Variants in MMS22L observed in about 807,000 individuals in gnomAD.
The protein encoded by MMS22L is protein MMS22-like.
A neutral mutation model predicts 159.1 loss-of-function variants in MMS22L; 74 were observed. The ratio of observed to expected loss-of-function variants is 0.47; its 90% CI spans 0.39 to 0.56. The LOEUF is 0.56. Ranked by LOEUF, MMS22L falls within the 20% of genes least tolerant of loss-of-function variation. The pLI is 0.00. For missense variants in MMS22L, 1,351 were observed against 1,422.1 expected (o/e 0.95, Z 0.80); for synonymous variants, 517 against 506.9 (o/e 1.02, Z -0.27).
chr6:97,248,603 T>C (rs1359855341), intron 10 of MMS22L, among the ~76,000 whole-genome samples: 1 of 152,176 alleles, frequency 6.6e-6, no homozygotes, highest in Non-Finnish European at 1.5e-5. Flanking sequence ...CTCACTCCTG[T>C]AATCCCAGCA....
intron 2 of MMS22L, 69 bp from the exon 3 acceptor site, chr6:97,281,431 T>C (rs968793677): frequency 6.1e-6 from 8 of 1,309,938 alleles, no homozygotes. Context: ...CTCTTTTCTT[T>C]ACATTATTTG....
chr6:97,254,893 A>G (rs553192135), intron 9 of MMS22L, among the ~76,000 whole-genome samples, 160 bp from the exon 10 acceptor site: 6 of 152,326 alleles, frequency 3.9e-5, no homozygotes, highest in Admixed American at 2.6e-4. Context: ...CAGAACATAA[A>G]TAGTACTTTA....
intron 11 of MMS22L, among the ~76,000 whole-genome samples, chr6:97,245,257 A>G (rs528048290): frequency 6.6e-6 from 1 of 152,160 alleles, no homozygotes; most frequent in Non-Finnish European, 1.5e-5. Flanking sequence ...ATTAAATACA[A>G]CAGAAACATG....
chr6:97,202,192 T>C (rs547577317), intron 14 of MMS22L, among the ~76,000 whole-genome samples: 79 of 152,282 alleles, frequency 5.2e-4, no homozygotes, highest in Admixed American at 1.6e-3. Flanking sequence ...AGGACATAAA[T>C]AGAGCTCACC....
intron 16 of MMS22L, 108 bp downstream of exon 16, chr6:97,181,796 G>A: frequency 9.0e-7 from 1 of 1,110,124 alleles, no homozygotes. Flanking sequence ...CAAAGTGAGA[G>A]TATATGTAGT....
intron 10 of MMS22L, among the ~76,000 whole-genome samples, chr6:97,247,774 A>C (rs2128043356): frequency 6.6e-6 from 1 of 152,270 alleles, no homozygotes; most frequent in South Asian, 2.1e-4. Context: ...TGAGGCCTTA[A>C]AAAGTAAAAG....
intron 14 of MMS22L, among the ~76,000 whole-genome samples, chr6:97,205,012 C>T (rs770336914): frequency 7.4e-6 from 1 of 135,040 alleles, no homozygotes; most frequent in Non-Finnish European, 1.6e-5. Context: ...GGCGCGATCA[C>T]AGCTCACTGC....
chr6:97,181,578 G>A (rs1481143865), intron 16 of MMS22L, among the ~76,000 whole-genome samples: 1 of 152,142 alleles, frequency 6.6e-6, no homozygotes, highest in African/African-American at 2.4e-5. Flanking sequence ...GTATCTTACA[G>A]ATTCAGTAAT....
At chr6:97,167,631 T>C (rs1803098584) in intron 20 of MMS22L, among the ~76,000 whole-genome samples, 1 of 152,106 alleles carries the variant, frequency 6.6e-6, no homozygotes, top group Non-Finnish European at 1.5e-5. Flanking sequence ...GCTCCTCCCA[T>C]ATGACTCTCC....
At chr6:97,171,366 T>G (rs1404884565) in intron 19 of MMS22L, among the ~76,000 whole-genome samples, 2 of 152,168 alleles carry the variant, frequency 1.3e-5, no homozygotes, top group Admixed American at 6.6e-5. Flanking sequence ...TCAAGTCTAC[T>G]TGGCAATGTG....
At position 97,144,105 on chromosome 6, in the gene MMS22L, CAAAAAAA is replaced by C. The variant is rs34856577; in HGVS notation, c.*2694_*2700del. On this transcript the variant is annotated 3_prime_UTR_variant, in exon 25 of 25. Transcript: ENST00000683635. ...CTCAAAACAACAACAACAACAACAA[CAAAAAAA>C]AAAAAAAAAAAAAAAAGAGAGAGAA... 1,359 of 87,346 alleles carry C rather than the reference CAAAAAAA, an allele frequency of 0.016. 23 individuals are homozygous for C. Among genetic ancestry groups the C allele is most frequent in the African/African-American group, 0.055 (1,210 of 21,980 alleles). The allele number at this position is 87,346 out of a possible 1,614,324, so 5.4% of individuals were successfully genotyped here.
intron 4 of MMS22L, among the ~76,000 whole-genome samples, chr6:97,273,921 A>G (rs554121938): frequency 6.6e-6 from 1 of 152,328 alleles, no homozygotes; most frequent in East Asian, 1.9e-4. Flanking sequence ...TCCCAAGTCA[A>G]AACTCTTGAA....
chr6:97,262,988 ATCT>A (rs1814660531), intron 9 of MMS22L, among the ~76,000 whole-genome samples: 1 of 152,132 alleles, frequency 6.6e-6, no homozygotes, highest in Non-Finnish European at 1.5e-5. Flanking sequence ...TTCTCCACAA[ATCT>A]TCTAAATCTG....
chr6:97,253,532 C>T (rs1380978093), intron 10 of MMS22L: 1 of 145,030 alleles, frequency 6.9e-6, no homozygotes, highest in East Asian at 2.0e-4. Flanking sequence ...GTGATCTCGG[C>T]TCACCGCAAA....
chr6:97,151,152 T>C (rs1043666629), intron 23 of MMS22L, among the ~76,000 whole-genome samples: 39 of 152,162 alleles, frequency 2.6e-4, no homozygotes, highest in Admixed American at 1.2e-3. Context: ...TTTCCCACTT[T>C]ACTCTCTCAA....
intron 9 of MMS22L, among the ~76,000 whole-genome samples, chr6:97,262,815 G>A (rs1172940280): frequency 1.3e-5 from 2 of 151,982 alleles, no homozygotes; most frequent in African/African-American, 2.4e-5. Context: ...TTCTGCCTAG[G>A]ATACTTCTCT....
intron 22 of MMS22L, among the ~76,000 whole-genome samples, chr6:97,155,757 T>C (rs565526414): frequency 2.0e-5 from 3 of 152,034 alleles, no homozygotes; most frequent in Non-Finnish European, 4.4e-5. Context: ...GACTTCACAA[T>C]AGACTTCGCT....
intron 8 of MMS22L, chr6:97,266,800 T>C (rs1393954474): frequency 1.3e-5 from 2 of 152,086 alleles, no homozygotes; most frequent in East Asian, 1.9e-4. Context: ...GCTGAACTCA[T>C]AGAAGCAGAG....
At chr6:97,174,274 A>AAAAAAAAAAAAAAAAT (rs1803895970) in intron 18 of MMS22L, among the ~76,000 whole-genome samples, 1 of 150,524 alleles carries the variant, frequency 6.6e-6, no homozygotes, top group African/African-American at 2.5e-5. Context: ...AAAAAAAAAA[A>AAAAAAAAAAAAAAAAT]AATAAAAAGA....
Sources: allele counts gnomAD v4.1 joint callset (sites outside exome capture counted in the v4.1 genomes callset), GRCh38; gene constraint gnomAD v4.1.1; transcripts MANE v1.5; gene names NCBI Gene and HGNC (gene_info 2026-07-23, HGNC 2026-07-21).